The following KRT86 variants were observed in gnomAD, a reference collection of about 807,000 sequenced individuals.
KRT86 encodes the protein keratin, type II cuticular Hb6.
In KRT86, 30 loss-of-function variants were observed where a neutral mutation model predicts 41.2. The ratio of observed to expected loss-of-function variants is 0.73; its 90% confidence interval spans 0.54 to 0.99. The LOEUF is 0.99. KRT86 is among the 50% of genes least tolerant of loss of function. The probability of loss-of-function intolerance (pLI) is 0.00; values close to 1 mark genes in which losing one functional copy is unlikely to be tolerated. For missense variants in KRT86, 561 were observed against 571.4 expected (o/e 0.98, Z 0.19); for synonymous variants, 238 against 238.1 (o/e 1.00, Z 0.00).
chr12:52,286,789 A>G, intron 2 of KRT86: 1 of 1,613,908 alleles, frequency 6.2e-7, no homozygotes, highest in Non-Finnish European at 8.5e-7. Context: ...CCAAATACTC[A>G]CAGACATTCA....
At position 52,294,305 on chromosome 12, in the gene KRT86, G is replaced by C. The variant is rs551094859; in HGVS notation, c.-4-7608G>C. Among the ~76,000 whole-genome samples the C allele has an allele frequency of 1.6e-4, 25 of 152,304 alleles. No homozygotes were observed. The South Asian group carries it at 4.1e-3, about 25-fold the overall frequency. On this transcript the variant is annotated intron_variant, in intron 2 of 10. Transcript: ENST00000423955. Reference sequence around the variant, plus strand: ...ATAAAAACAACATGTATAAACACAAGCTAATTACTAATGGCTGGTCCTTAC... The same window carrying C: ...ATAAAAACAACATGTATAAACACAACCTAATTACTAATGGCTGGTCCTTAC...
At chr12:52,298,131 C>G (rs1432165762) in intron 2 of KRT86, among the ~76,000 whole-genome samples, 2 of 152,006 alleles carry the variant, frequency 1.3e-5, no homozygotes, top group Non-Finnish European at 2.9e-5. Flanking sequence ...GTATGGTTAC[C>G]CAAGGATTGG....
chr12:52,277,201 G>T (rs952562106), intron 2 of KRT86, among the ~76,000 whole-genome samples: 2 of 152,136 alleles, frequency 1.3e-5, no homozygotes, highest in Non-Finnish European at 2.9e-5. Context: ...AGCATTGGAT[G>T]CTTCTGGGAT....
intron 2 of KRT86, among the ~76,000 whole-genome samples, chr12:52,284,728 C>A (rs1448993793): frequency 6.6e-6 from 1 of 152,124 alleles, no homozygotes; most frequent in Non-Finnish European, 1.5e-5. Context: ...GTGGGGGACT[C>A]CCATTTCTGC....
At chr12:52,288,420 C>G (rs140836779) in intron 2 of KRT86, 2 of 1,614,174 alleles carry the variant, frequency 1.2e-6, no homozygotes, top group African/African-American at 1.3e-5. Flanking sequence ...ACGTTGGCCT[C>G]CAGGTCTGAC....
intron 2 of KRT86, among the ~76,000 whole-genome samples, chr12:52,283,127 G>A (rs1390514587): frequency 6.6e-6 from 1 of 152,144 alleles, no homozygotes; most frequent in Non-Finnish European, 1.5e-5. Flanking sequence ...TGGGTGCGGT[G>A]GCTCATGCCT....
chr12:52,308,281 G>T lies in KRT86; in HGVS notation c.1279+17G>T, dbSNP rs370303929. The T allele has an allele frequency of 2.0e-5, 33 of 1,614,110 alleles. No individual in the cohort carries two copies. The East Asian group carries it at 4.2e-4, about 21-fold the overall frequency. On this transcript the variant is annotated intron_variant, in intron 10 of 10. Coordinates refer to ENST00000423955, the MANE Select transcript of KRT86 (RefSeq NM_001320198.2). ...TGAATGTCTGTAAGTAGTGGGGTCC[G>T]TCCCCTCCTCCCGCTGGGCGGGTCT...
rs760601861 is a variant in KRT86 at position 52,291,225 on chromosome 12, C to A, written c.-4-10688C>A. On this transcript the variant is annotated intron_variant, in intron 2 of 10. Coordinates refer to ENST00000423955, the MANE Select transcript of KRT86 (RefSeq NM_001320198.2). ...GTGAGGAGGCTCTCGTTGACCGACA[C>A]GGTGGTGATGCATGGGGGACTGGGC... 18 of 1,478,610 alleles carry A rather than the reference C, an allele frequency of 1.2e-5. No individual in the cohort carries two copies. In the East Asian group the frequency reaches 4.0e-4, roughly 33 times the overall value. The allele number at this position is 1,478,610 out of a possible 1,614,324, so 91.6% of individuals were successfully genotyped here.
intron 2 of KRT86, among the ~76,000 whole-genome samples, chr12:52,298,028 G>A (rs1938288394): frequency 6.6e-6 from 1 of 152,148 alleles, no homozygotes; most frequent in Admixed American, 6.5e-5. Flanking sequence ...GATTTCTGAT[G>A]GTCTGTTAAG....
chr12:52,299,548 C>T (rs7488782), intron 2 of KRT86, among the ~76,000 whole-genome samples: 111,249 of 152,158 alleles, frequency 0.73, 41,792 homozygotes, highest in African/African-American at 0.92. Flanking sequence ...GCTGTAGTAA[C>T]TTACATCCCA....
At position 52,305,706 on chromosome 12, in the gene KRT86, T is replaced by C; in HGVS notation, c.944T>C (p.Leu315Pro). 1.2e-6 allele frequency: 2 copies of C among 1,614,076 alleles called. No homozygotes were observed. The highest frequency in any genetic ancestry group is 1.3e-5 in the African/African-American group (1 of 75,036). Residue 315 changes from leucine (L) to proline (P), a missense_variant, in exon 8 of 11, where the codon CTG becomes CCG. Leu to Pro is a moderately conservative substitution (Grantham distance 98, BLOSUM62 -3). Around this residue, in one of 3 missense-constraint regions of KRT86, gnomAD observed 397 missense variants for 375.9 expected, o/e 1.06. Coordinates refer to ENST00000423955, the MANE Select transcript of KRT86 (RefSeq NM_001320198.2). The stretch of plus-strand genomic sequence containing the variant: ...ACGGTGATCAGGCACGGGGAGACCC[T>C]GCGCCGCACCAAGGAGGAGATCAAC... ...KATVIRHGET[L>P]RRTKEEINEL...
chr12:52,291,296 C>G (rs760119159), intron 2 of KRT86: 210 of 1,540,610 alleles, frequency 1.4e-4, no homozygotes, highest in Admixed American at 1.1e-3. Context: ...TCCGCAGGAG[C>G]CGGCCCGAAA....
intron 2 of KRT86, among the ~76,000 whole-genome samples, chr12:52,278,208 C>T (rs1358118613): frequency 6.6e-6 from 1 of 152,158 alleles, no homozygotes; most frequent in Non-Finnish European, 1.5e-5. Context: ...ATGCCACAGG[C>T]ATATTGCATT....
chr12:52,295,348 G>A (rs1476920241), intron 2 of KRT86, among the ~76,000 whole-genome samples: 1 of 152,156 alleles, frequency 6.6e-6, no homozygotes. Flanking sequence ...GTCTAGGGAG[G>A]TTAAGGCTCA....
rs1942539571 is a variant in KRT86, at chr12:52,275,091, A to G, written c.-131+369A>G. 2 of 152,200 alleles carry G rather than the reference A, an allele frequency of 1.3e-5. 1 individual carries two copies. Among genetic ancestry groups the G allele is most frequent in the Admixed American group, 1.3e-4 (2 of 15,278 alleles). The allele number at this position is 152,200 out of a possible 1,614,324, so 9.4% of individuals were successfully genotyped here. On this transcript the variant is annotated intron_variant, in intron 1 of 10. Coordinates refer to ENST00000423955, the MANE Select transcript of KRT86 (RefSeq NM_001320198.2). ...GCCCCAGTTTGCCTGAGGAAAGACA[A>G]TGGGAAAAGTCACATCCATCTGGCC...
chr12:52,305,823 G>T, intron 8 of KRT86, 35 bp downstream of exon 8: 2 of 1,613,924 alleles, frequency 1.2e-6, no homozygotes, highest in Non-Finnish European at 1.7e-6. Flanking sequence ...CAGAGAGACC[G>T]AGGGTCTAAC....
intron 2 of KRT86, chr12:52,288,283 A>C (rs538802475): frequency 6.2e-7 from 1 of 1,605,534 alleles, no homozygotes; most frequent in East Asian, 2.2e-5. Flanking sequence ...ACCTCTACCC[A>C]CATCCTGTCC....
intron 2 of KRT86, among the ~76,000 whole-genome samples, chr12:52,293,140 G>T (rs1938172595): frequency 6.6e-6 from 1 of 152,208 alleles, no homozygotes; most frequent in Admixed American, 6.5e-5. Flanking sequence ...ACTGTATAGA[G>T]AATTAGAATT....
intron 2 of KRT86, 41 bp from the exon 3 acceptor site, chr12:52,301,872 G>C (rs1054922846): frequency 1.2e-6 from 2 of 1,613,414 alleles, no homozygotes; most frequent in South Asian, 1.1e-5. Flanking sequence ...CTCTCCATTC[G>C]GACGTCTCCA....
Sources: allele counts gnomAD v4.1 joint callset (sites outside exome capture counted in the v4.1 genomes callset), GRCh38; gene constraint gnomAD v4.1.1; regional missense constraint gnomAD v4.1.1; transcripts MANE v1.5; gene names NCBI Gene and HGNC (gene_info 2026-07-23, HGNC 2026-07-21).